Variants in KANSL3 observed in about 807,000 individuals in gnomAD.
The protein encoded by KANSL3 is NSL complex protein NSL3.
In KANSL3, 16 loss-of-function variants were observed where a neutral mutation model predicts 89.2. The observed-to-expected ratio is 0.18, with a 90% confidence interval of 0.12 to 0.27. KANSL3 has a LOEUF of 0.27. KANSL3 is among the 10% of genes least tolerant of loss of function. The pLI is 1.00. For synonymous variants in KANSL3, 385 were observed against 419.7 expected (o/e 0.92, Z 1.01); for missense variants, 879 against 1,110.6 (o/e 0.79, Z 2.96).
At chr2:96,600,798 G>A (rs750042245) in intron 20 of KANSL3, 51 of 985,326 alleles carry the variant, frequency 5.2e-5, no homozygotes, top group Non-Finnish European at 5.7e-5. Context: ...CTTCCTGGGT[G>A]AGACCTATAA....
chr2:96,612,673 T>C, intron 7 of KANSL3, 110 bp from the exon 8 acceptor site: 1 of 1,132,070 alleles, frequency 8.8e-7, no homozygotes, highest in South Asian at 1.4e-5. Flanking sequence ...AAAGAAGGAT[T>C]AGAGGAGGCT....
chr2:96,600,498 T>G, intron 20 of KANSL3: 3 of 985,350 alleles, frequency 3.0e-6, no homozygotes, highest in Non-Finnish European at 3.6e-6. Context: ...CTGTGCAGTA[T>G]TTTCCCTAAA....
At position 96,593,394 on chromosome 2, in the gene KANSL3, T is replaced by C; in HGVS notation, c.*2217A>G. The C allele has an allele frequency of 6.7e-6, 3 of 447,936 alleles. No homozygotes were observed. Among genetic ancestry groups the C allele is most frequent in the South Asian group, 4.7e-5 (3 of 63,800 alleles). The allele number at this position is 447,936 out of a possible 1,614,324, so 27.7% of individuals were successfully genotyped here. A position where few individuals can be genotyped will look rare whatever the true frequency, so the allele number is the denominator to read the frequency against. ...AACTTCCTGATCCTTCCACATTTTC[T>C]ATCAATAATATTGCCTTCTGAGGTT... On this transcript the variant is annotated 3_prime_UTR_variant, in exon 21 of 21. Coordinates refer to ENST00000431828, the MANE Select transcript of KANSL3 (RefSeq NM_001115016.3).
At chr2:96,609,378 G>A (rs1430543610) in intron 12 of KANSL3, 121 bp downstream of exon 12, 2 of 825,068 alleles carry the variant, frequency 2.4e-6, no homozygotes, top group Admixed American at 2.1e-5. Context: ...TTATGACTGA[G>A]ACCTACCAGA....
At chr2:96,618,490 G>A (rs998870853) in intron 5 of KANSL3, among the ~76,000 whole-genome samples, 4 of 152,232 alleles carry the variant, frequency 2.6e-5, no homozygotes, top group Non-Finnish European at 5.9e-5. Context: ...ATGCCCGGCC[G>A]TGAGGCCATT....
intron 2 of KANSL3, among the ~76,000 whole-genome samples, chr2:96,632,214 T>C (rs983952932): frequency 6.6e-6 from 1 of 152,178 alleles, no homozygotes; most frequent in Admixed American, 6.5e-5. Flanking sequence ...TTCATACTTG[T>C]AATCCCAGTA....
At chr2:96,609,398 G>T in intron 12 of KANSL3, 101 bp downstream of exon 12, 2 of 979,578 alleles carry the variant, frequency 2.0e-6, no homozygotes, top group Non-Finnish European at 3.2e-6. Context: ...AGGCCCCAGT[G>T]GAGGCCTTAG....
intron 2 of KANSL3, among the ~76,000 whole-genome samples, chr2:96,631,829 T>C (rs2073440233): frequency 6.6e-6 from 1 of 152,090 alleles, no homozygotes; most frequent in African/African-American, 2.4e-5. Flanking sequence ...GGTGGATTGC[T>C]TGAACTCAGG....
intron 3 of KANSL3, 21 bp downstream of exon 3, chr2:96,631,291 T>C (rs1354662966): frequency 1.4e-5 from 22 of 1,542,382 alleles, no homozygotes; most frequent in Non-Finnish European, 1.9e-5. Flanking sequence ...GCAGTGATCA[T>C]CCTCCTGATG....
At chr2:96,633,147 T>C (rs1009698220) in intron 2 of KANSL3, among the ~76,000 whole-genome samples, 1 of 151,180 alleles carries the variant, frequency 6.6e-6, no homozygotes, top group Non-Finnish European at 1.5e-5. Context: ...TGGTCCCAGC[T>C]ACATGGGAGG....
At chr2:96,636,072 G>A (rs994577515) in intron 2 of KANSL3, among the ~76,000 whole-genome samples, 3 of 151,522 alleles carry the variant, frequency 2.0e-5, no homozygotes, top group Non-Finnish European at 4.4e-5. Context: ...CAGGAGGGGT[G>A]ACTCTAAAGA....
intron 10 of KANSL3, 73 bp downstream of exon 10, chr2:96,610,991 C>T: frequency 6.3e-7 from 1 of 1,577,088 alleles, no homozygotes; most frequent in South Asian, 1.1e-5. Context: ...GCCTCAGCAT[C>T]AGCTTGGACA....
In KANSL3 at chr2:96,610,318, A is replaced by AT. The variant is rs761473352; in HGVS notation, c.1319+407dup. On this transcript the variant is annotated intron_variant, in intron 11 of 20. Coordinates refer to ENST00000431828, the MANE Select transcript of KANSL3 (RefSeq NM_001115016.3). ...GTTTTTTTAATGCTGTCTTTTTTTA[A>AT]TTTTTTTTTTTTTTTGAGACAGAGT... 1,421 of 143,694 alleles carry AT rather than the reference A, an allele frequency of 9.9e-3. 7 individuals carry two copies. Among genetic ancestry groups the AT allele is most frequent in the South Asian group, 0.02 (91 of 4,544 alleles). 8.9% of individuals were successfully genotyped at this position (143,694 alleles called of 1,614,324 possible). A position where few individuals can be genotyped will look rare whatever the true frequency, so the allele number is the denominator to read the frequency against.
At chr2:96,584,584 A>G in the KANSL3 span, among the ~76,000 whole-genome samples, 1 of 152,222 alleles carries the variant, frequency 6.6e-6, no homozygotes, top group Non-Finnish European at 1.5e-5. Flanking sequence ...CCCTACTTCT[A>G]TAAGATCAGC....
At chr2:96,591,372 G>C (rs1488155828), downstream of KANSL3, among the ~76,000 whole-genome samples, 1 of 152,152 alleles carries the variant, frequency 6.6e-6, no homozygotes, top group African/African-American at 2.4e-5. Context: ...GGTGGCATGA[G>C]GGAGATCTTT....
intron 3 of KANSL3, among the ~76,000 whole-genome samples, chr2:96,620,550 G>A (rs890289545): frequency 1.3e-5 from 2 of 152,110 alleles, no homozygotes; most frequent in African/African-American, 4.8e-5. Context: ...CCAGTTTAGT[G>A]ATATGGAGCT....
rs1005697254 is a variant in KANSL3, at chr2:96,593,741, C to T, written c.*1870G>A. ...TAAGTCATGAATGGGTTGTTTAGGG[C>T]TCTGTCTGTCCTAAATGATTCCTAA... On this transcript the variant is annotated 3_prime_UTR_variant, in exon 21 of 21. Coordinates refer to ENST00000431828, the MANE Select transcript of KANSL3 (RefSeq NM_001115016.3). 3 of 182,938 alleles carry T rather than the reference C, an allele frequency of 1.6e-5. No homozygotes were observed. The highest frequency in any genetic ancestry group is 7.0e-5 in the African/African-American group (3 of 42,608). The allele number at this position is 182,938 out of a possible 1,614,324, so 11.3% of individuals were successfully genotyped here. A position where few individuals can be genotyped will look rare whatever the true frequency, so the allele number is the denominator to read the frequency against.
At chr2:96,596,072 A>T (rs1028464133) in intron 20 of KANSL3, among the ~76,000 whole-genome samples, 1 of 152,270 alleles carries the variant, frequency 6.6e-6, no homozygotes, top group East Asian at 1.9e-4. Flanking sequence ...GCAACAGAAC[A>T]GAAGGGAAGA....
intron 19 of KANSL3, 102 bp downstream of exon 19, chr2:96,602,014 T>G (rs2105036764): frequency 8.0e-7 from 1 of 1,251,864 alleles, no homozygotes; most frequent in African/African-American, 1.5e-5. Context: ...CAGGACCCTG[T>G]GGGACTGGTT....
Sources: allele counts gnomAD v4.1 joint callset (sites outside exome capture counted in the v4.1 genomes callset), GRCh38; gene constraint gnomAD v4.1.1; transcripts MANE v1.5; gene names NCBI Gene and HGNC (gene_info 2026-07-23, HGNC 2026-07-21).